Variants in ADAMTSL1 observed in about 807,000 individuals in gnomAD.
ADAMTSL1 encodes ADAMTS-like protein 1.
In ADAMTSL1, 126 loss-of-function variants were observed where a neutral mutation model predicts 201.8. The observed-to-expected ratio is 0.62, with a 90% CI of 0.54 to 0.72. The LOEUF (loss-of-function observed/expected upper bound fraction) is 0.72. Ranked by LOEUF, ADAMTSL1 falls within the 30% of genes least tolerant of loss-of-function variation. The pLI is 0.00. For missense variants in ADAMTSL1, 2,679 were observed against 2,277.8 expected (o/e 1.18, Z -3.59); for synonymous variants, 1,121 against 903.4 (o/e 1.24, Z -4.32).
chr9:18,490,036 C>T (rs550886494), intron 1 of ADAMTSL1, among the ~76,000 whole-genome samples: 5 of 152,174 alleles, frequency 3.3e-5, no homozygotes, highest in Non-Finnish European at 7.3e-5. Context: ...TCACTGTCTC[C>T]AGCTGTCTGG....
At chr9:18,878,557 C>A (rs1217044369) in intron 23 of ADAMTSL1, among the ~76,000 whole-genome samples, 2 of 152,238 alleles carry the variant, frequency 1.3e-5, no homozygotes, top group African/African-American at 2.4e-5. Flanking sequence ...GTGATCTAGA[C>A]CTTCAGGTTC....
chr9:18,287,319 GTA>G (rs1399823508), intron 2 of ADAMTSL1, among the ~76,000 whole-genome samples: 3 of 151,118 alleles, frequency 2.0e-5, no homozygotes, highest in African/African-American at 7.4e-5. Context: ...ACATATGTAT[GTA>G]TACACACACA....
intron 2 of ADAMTSL1, among the ~76,000 whole-genome samples, chr9:18,399,426 G>A (rs1027235723): frequency 3.3e-5 from 5 of 149,882 alleles, no homozygotes; most frequent in South Asian, 2.1e-4. Flanking sequence ...TGCAACCTCC[G>A]CCTCCCGGGT....
At chr9:18,809,775 G>A (rs1335458578) in intron 20 of ADAMTSL1, among the ~76,000 whole-genome samples, 2 of 152,144 alleles carry the variant, frequency 1.3e-5, no homozygotes, top group Non-Finnish European at 2.9e-5. Context: ...GGCAACAAGA[G>A]CGAAACTCCA....
chr9:18,304,842 T>C (rs920820731), intron 2 of ADAMTSL1, among the ~76,000 whole-genome samples: 1 of 152,198 alleles, frequency 6.6e-6, no homozygotes, highest in African/African-American at 2.4e-5. Flanking sequence ...TATAAACTAT[T>C]TTTATAAGAA....
chr9:18,839,529 A>C (rs1470503845), intron 23 of ADAMTSL1, among the ~76,000 whole-genome samples: 3 of 152,178 alleles, frequency 2.0e-5, no homozygotes, highest in South Asian at 2.1e-4. Context: ...CATGATTTAT[A>C]GTCCTTTGGG....
intron 13 of ADAMTSL1, among the ~76,000 whole-genome samples, chr9:18,686,018 A>G (rs1309396921): frequency 6.6e-6 from 1 of 151,910 alleles, no homozygotes; most frequent in African/African-American, 2.4e-5. Context: ...TGCCAGGCTC[A>G]ATGAATTCTC....
intron 23 of ADAMTSL1, among the ~76,000 whole-genome samples, chr9:18,853,887 C>CTGTGTGTGTGTGTG (rs529993480): frequency 6.9e-4 from 56 of 80,896 alleles, no homozygotes; most frequent in South Asian, 1.5e-3. Context: ...TGTATTCACT[C>CTGTGTGTGTGTGTG]TCTGTGTGTG....
At chr9:18,416,284 A>G (rs1272235976) in intron 2 of ADAMTSL1, among the ~76,000 whole-genome samples, 4 of 152,030 alleles carry the variant, frequency 2.6e-5, no homozygotes, top group Non-Finnish European at 4.4e-5. Context: ...AAAACGGACT[A>G]TGGTAAGTTG....
chr9:17,924,313 G>A (rs1388299810), intron 1 of ADAMTSL1, among the ~76,000 whole-genome samples: 1 of 152,058 alleles, frequency 6.6e-6, no homozygotes, highest in African/African-American at 2.4e-5. Context: ...TCCCGTTATT[G>A]GTCTATTCAG....
intron 4 of ADAMTSL1, among the ~76,000 whole-genome samples, chr9:18,611,738 C>T (rs575130594): frequency 1.2e-4 from 19 of 152,170 alleles, no homozygotes; most frequent in African/African-American, 4.3e-4. Flanking sequence ...AAATGTTTGC[C>T]ATCTTAGCTC....
intron 1 of ADAMTSL1, among the ~76,000 whole-genome samples, chr9:18,144,054 C>T (rs965973010): frequency 1.3e-5 from 2 of 152,122 alleles, no homozygotes; most frequent in African/African-American, 4.8e-5. Flanking sequence ...TTCTTACTAT[C>T]TTCAGAACAC....
intron 2 of ADAMTSL1, among the ~76,000 whole-genome samples, chr9:18,403,123 C>T (rs972071436): frequency 1.3e-5 from 2 of 151,844 alleles, no homozygotes; most frequent in Non-Finnish European, 2.9e-5. Flanking sequence ...CTAAGCGCTG[C>T]TCATTTATCA....
intron 2 of ADAMTSL1, among the ~76,000 whole-genome samples, chr9:18,346,026 C>T (rs1220242285): frequency 6.6e-6 from 1 of 152,132 alleles, no homozygotes; most frequent in East Asian, 1.9e-4. Flanking sequence ...TGCTCTGTTC[C>T]TGGATCAACC....
At chr9:18,177,918 C>A (rs866836153) in intron 2 of ADAMTSL1, among the ~76,000 whole-genome samples, 18 of 152,164 alleles carry the variant, frequency 1.2e-4, no homozygotes, top group African/African-American at 3.1e-4. Flanking sequence ...TGAATAAAAT[C>A]CCCCAAGTGT....
At chr9:18,484,754 T>C (rs950496277) in intron 1 of ADAMTSL1, among the ~76,000 whole-genome samples, 4 of 152,210 alleles carry the variant, frequency 2.6e-5, no homozygotes, top group South Asian at 2.1e-4. Context: ...TCCAGGATTT[T>C]GATTTTAAGA....
rs773371450 is a variant in ADAMTSL1 at position 18,849,124 on chromosome 9, C to A, written c.4249+19147C>A. On this transcript the variant is annotated intron_variant, in intron 23 of 28. Coordinates refer to ENST00000380548, the MANE Select transcript of ADAMTSL1 (RefSeq NM_001040272.6). ...ATATTATTGGACATATTTCTTACGT[C>A]TGTCATGTCTCCCAGCTAGATCTAG... 1.0e-3 allele frequency among the ~76,000 whole-genome samples: 159 copies of A among 152,210 alleles called. 2 individuals are homozygous for A. The highest frequency in any genetic ancestry group is 3.2e-4 in the Non-Finnish European group (22 of 68,046).
At chr9:18,718,263 G>T in intron 14 of ADAMTSL1, 1 of 758,536 alleles carries the variant, frequency 1.3e-6, no homozygotes. Context: ...ATCATTAAAT[G>T]TGGACTGTGC....
intron 2 of ADAMTSL1, among the ~76,000 whole-genome samples, chr9:18,412,328 G>A (rs529404070): frequency 1.3e-5 from 2 of 152,252 alleles, no homozygotes; most frequent in African/African-American, 2.4e-5. Context: ...ACACAGGTGG[G>A]ATCAGCCATT....
Sources: gnomAD v4.1 joint callset for allele counts (sites outside exome capture counted in the v4.1 genomes callset) on GRCh38, gnomAD v4.1.1 for gene constraint, MANE v1.5 for transcripts, NCBI Gene and HGNC (gene_info 2026-07-23, HGNC 2026-07-21) for gene names.